VEZT: variants seen among roughly 807,000 people sequenced by gnomAD.
VEZT encodes the protein vezatin.
A neutral mutation model predicts 79.9 loss-of-function variants in VEZT; 39 were observed. The ratio of observed to expected loss-of-function variants is 0.49; its 90% confidence interval spans 0.38 to 0.64. The LOEUF (loss-of-function observed/expected upper bound fraction) is 0.64, where lower values mean the gene tolerates loss of function less well. VEZT is among the 30% of genes least tolerant of loss of function. VEZT has a pLI of 0.00. For missense variants in VEZT, 837 were observed against 893.1 expected (o/e 0.94, Z 0.80); for synonymous variants, 325 against 327.6 (o/e 0.99, Z 0.09).
chr12:95,246,579 T>A (rs1472611074), intron 1 of VEZT, among the ~76,000 whole-genome samples: 1 of 152,222 alleles, frequency 6.6e-6, no homozygotes, highest in African/African-American at 2.4e-5. Flanking sequence ...CAAAAATGTT[T>A]CGGCCACCAG....
At chr12:95,226,908 ATC>A (rs2058572589) in intron 1 of VEZT, among the ~76,000 whole-genome samples, 1 of 144,856 alleles carries the variant, frequency 6.9e-6, no homozygotes, top group Admixed American at 6.9e-5. Flanking sequence ...TTTAATTAGA[ATC>A]TTCTACCATC....
At chr12:95,282,270 C>G (rs779307382) in intron 7 of VEZT, 43 bp from the exon 8 acceptor site, 1 of 1,448,920 alleles carries the variant, frequency 6.9e-7, no homozygotes, top group Non-Finnish European at 9.1e-7. Flanking sequence ...GAACACTGAC[C>G]AATATTTTTA....
intron 10 of VEZT, 148 bp downstream of exon 10, chr12:95,294,520 TTTGA>T (rs1241844185): frequency 2.9e-6 from 2 of 682,082 alleles, no homozygotes; most frequent in East Asian, 5.7e-5. Flanking sequence ...CAGACTTTTT[TTTGA>T]TTGTTATTTA....
chr12:95,289,065 G>C (rs1160046926), intron 9 of VEZT, among the ~76,000 whole-genome samples: 1 of 146,014 alleles, frequency 6.8e-6, no homozygotes, highest in African/African-American at 2.5e-5. Context: ...CTGGGCAACA[G>C]AGCGAGACTC....
chr12:95,248,928 G>A (rs775899216), intron 1 of VEZT, among the ~76,000 whole-genome samples: 8 of 152,008 alleles, frequency 5.3e-5, no homozygotes, highest in South Asian at 2.1e-4. Context: ...ACCGTGACCC[G>A]TACCCCCATT....
Position 95,266,518 on chromosome 12 carries a change from A to C in VEZT, c.596A>C (p.Lys199Thr). Residue 199 changes from lysine to threonine, a missense_variant, in exon 5 of 12, where the codon AAA becomes ACA. By Grantham distance (78) the Lys-to-Thr change is moderately conservative (BLOSUM62 -1). Coordinates refer to ENST00000436874, the MANE Select transcript of VEZT (RefSeq NM_017599.4). ...RTAKLQVTLKKYSVHLEDMAT... is the reference protein window; with the variant it reads ...RTAKLQVTLKTYSVHLEDMAT... Reference sequence around the variant, plus strand: ...GCCAAACTACAAGTGACCCTAAAAAAATACAGCGTTCATTTGGAAGATATG... The same window carrying C: ...GCCAAACTACAAGTGACCCTAAAAACATACAGCGTTCATTTGGAAGATATG... The C allele has an allele frequency of 6.2e-7, 1 of 1,613,984 alleles. No homozygotes were observed. Among genetic ancestry groups the C allele is most frequent in the Non-Finnish European group, 8.5e-7 (1 of 1,179,886 alleles).
At chr12:95,244,147 G>C in intron 1 of VEZT, 1 of 353,490 alleles carries the variant, frequency 2.8e-6, no homozygotes, top group Non-Finnish European at 5.5e-6. Flanking sequence ...TATAATCCCA[G>C]TGCTTTGGGC....
At chr12:95,239,612 G>A (rs1291941170) in intron 1 of VEZT, among the ~76,000 whole-genome samples, 1 of 152,164 alleles carries the variant, frequency 6.6e-6, no homozygotes, top group African/African-American at 2.4e-5. Context: ...TCTCAAGGGT[G>A]CATCAGGGCT....
chr12:95,264,516 A>C (rs1015728661), intron 4 of VEZT, among the ~76,000 whole-genome samples: 1 of 152,134 alleles, frequency 6.6e-6, no homozygotes, highest in African/African-American at 2.4e-5. Flanking sequence ...AGCTCACTGC[A>C]GCCTCAGCCT....
chr12:95,240,073 G>GAAGGAAGAAAGA (rs1491323550), intron 1 of VEZT, among the ~76,000 whole-genome samples: 27 of 98,986 alleles, frequency 2.7e-4, no homozygotes, highest in African/African-American at 8.1e-4. Flanking sequence ...AGGAAGGAAG[G>GAAGGAAGAAAGA]AAGAAAAGAA....
intron 8 of VEZT, among the ~76,000 whole-genome samples, chr12:95,284,903 G>A (rs780385279): frequency 6.6e-6 from 1 of 151,942 alleles, no homozygotes; most frequent in African/African-American, 2.4e-5. Flanking sequence ...GGCTAACATG[G>A]TGAAACCCCA....
intron 1 of VEZT, among the ~76,000 whole-genome samples, chr12:95,233,834 A>G (rs1938715745): frequency 6.6e-6 from 1 of 152,232 alleles, no homozygotes; most frequent in African/African-American, 2.4e-5. Context: ...TTTTTAAAAC[A>G]CAAATGGGGT....
intron 1 of VEZT, among the ~76,000 whole-genome samples, chr12:95,230,118 A>AG (rs2059046328): frequency 6.6e-6 from 1 of 151,862 alleles, no homozygotes; most frequent in African/African-American, 2.4e-5. Context: ...AAAAAAAAAA[A>AG]AAAAACGAAG....
chr12:95,274,810 G>T lies in VEZT; in HGVS notation c.917G>T (p.Gly306Val). 1 of 1,613,854 alleles carries T rather than the reference G, an allele frequency of 6.2e-7. No individual in the cohort carries two copies. The highest frequency in any genetic ancestry group is 1.1e-5 in the South Asian group (1 of 91,066). Residue 306 changes from glycine to valine, a missense_variant, in exon 7 of 12, where the codon GGC (glycine) becomes GTC (valine). Coordinates refer to ENST00000436874, the MANE Select transcript of VEZT (RefSeq NM_017599.4). ...TGTGTGGTGCCTTTTAAAGAGCTGG[G>T]CCTTGGACTTAGTGAAGAGCAGATT... ...YICVVPFKEL[G>V]LGLSEEQISE...
intron 1 of VEZT, among the ~76,000 whole-genome samples, chr12:95,227,610 G>C (rs2058683203): frequency 6.6e-6 from 1 of 152,080 alleles, no homozygotes; most frequent in South Asian, 2.1e-4. Context: ...CAAAGTGCTG[G>C]GATTATAGGC....
In VEZT at chr12:95,302,028, C is replaced by T. The variant is rs12298029; in HGVS notation, c.*1355C>T. The T allele has an allele frequency of 2.6e-4, 39 of 152,084 alleles. 1 individual carries two copies. In the East Asian group the frequency reaches 7.3e-3, roughly 29 times the overall value. The allele number at this position is 152,084 out of a possible 1,614,324, so 9.4% of individuals were successfully genotyped here. ...GGAACTCATCTATAATTAACCTCTTCGGAGCAATACCTTAGGTTGGGCCTT... is the reference window on the plus strand; with the variant it reads ...GGAACTCATCTATAATTAACCTCTTTGGAGCAATACCTTAGGTTGGGCCTT... On this transcript the variant is annotated 3_prime_UTR_variant, in exon 12 of 12. Transcript: ENST00000436874.
intron 4 of VEZT, among the ~76,000 whole-genome samples, chr12:95,265,901 C>T (rs528625556): frequency 1.3e-5 from 2 of 152,260 alleles, no homozygotes; most frequent in Admixed American, 1.3e-4. Context: ...AAGACATGTT[C>T]TGGGCCAACT....
chr12:95,293,593 G>T (rs1027130112), intron 9 of VEZT: 3 of 152,096 alleles, frequency 2.0e-5, no homozygotes, highest in Admixed American at 6.6e-5. Flanking sequence ...TAGCCTCAGG[G>T]TAAGTTTGAA....
intron 1 of VEZT, among the ~76,000 whole-genome samples, chr12:95,229,018 C>CA: frequency 6.6e-6 from 1 of 152,188 alleles, no homozygotes; most frequent in South Asian, 2.1e-4. Flanking sequence ...AAAACAAAAA[C>CA]AAAACACCAA....
Sources: gnomAD v4.1 joint callset for allele counts (sites outside exome capture counted in the v4.1 genomes callset) on GRCh38, gnomAD v4.1.1 for gene constraint, MANE v1.5 for transcripts, NCBI Gene and HGNC (gene_info 2026-07-23, HGNC 2026-07-21) for gene names.